The following RPH3A variants were observed in gnomAD, a reference collection of about 807,000 sequenced individuals.
RPH3A encodes rabphilin 3A.
A neutral mutation model predicts 102.2 loss-of-function variants in RPH3A; 48 were observed. The observed-to-expected ratio is 0.47, with a 90% CI of 0.37 to 0.60. RPH3A has a LOEUF of 0.60. Ranked by LOEUF, RPH3A falls within the 20% of genes least tolerant of loss-of-function variation. The probability of loss-of-function intolerance (pLI) is 0.00; values close to 1 mark genes in which losing one functional copy is unlikely to be tolerated. For synonymous variants in RPH3A, 310 were observed against 324.3 expected, an observed-to-expected ratio of 0.96 and a Z score of 0.47; for missense variants, 781 against 910.1, an observed-to-expected ratio of 0.86 and a Z score of 1.83.
chr12:112,643,215 T>A (rs1437764146), intron 1 of RPH3A, among the ~76,000 whole-genome samples: 1 of 152,192 alleles, frequency 6.6e-6, no homozygotes, highest in African/African-American at 2.4e-5. Context: ...CCTATGAGGA[T>A]GAAGAGGTCT....
chr12:112,605,722 G>T (rs915612020), intron 1 of RPH3A, among the ~76,000 whole-genome samples: 1 of 152,202 alleles, frequency 6.6e-6, no homozygotes, highest in Non-Finnish European at 1.5e-5. Flanking sequence ...TAAGCCTTTT[G>T]TGACCTAAGT....
At chr12:112,722,955 A>G (rs1430437827) in intron 1 of RPH3A, among the ~76,000 whole-genome samples, 2 of 152,202 alleles carry the variant, frequency 1.3e-5, no homozygotes, top group African/African-American at 4.8e-5. Context: ...TTGAACCTTA[A>G]CTGATATCAG....
At chr12:112,785,855 G>A (rs60728492) in intron 1 of RPH3A, among the ~76,000 whole-genome samples, 9,482 of 152,182 alleles carry the variant, frequency 0.062, 513 homozygotes, top group African/African-American at 0.15. Context: ...CTTACTTATG[G>A]TCACTTTGGG....
At chr12:112,870,997 C>A (rs535034646) in intron 10 of RPH3A, among the ~76,000 whole-genome samples, 2 of 152,166 alleles carry the variant, frequency 1.3e-5, no homozygotes, top group African/African-American at 4.8e-5. Flanking sequence ...TTCTGTTATT[C>A]GCATTTTACA....
chr12:112,834,049 A>C (rs1165400533), intron 3 of RPH3A, among the ~76,000 whole-genome samples: 1 of 152,212 alleles, frequency 6.6e-6, no homozygotes, highest in African/African-American at 2.4e-5. Flanking sequence ...ATACCCATGA[A>C]ATCATCACAG....
At chr12:112,797,458 G>A (rs952376804) in intron 2 of RPH3A, among the ~76,000 whole-genome samples, 6 of 152,118 alleles carry the variant, frequency 3.9e-5, no homozygotes, top group African/African-American at 9.7e-5. Context: ...CTTGATGCCC[G>A]GAGTCATCTG....
At chr12:112,778,026 AT>A (rs2040980489) in intron 1 of RPH3A, among the ~76,000 whole-genome samples, 1 of 152,230 alleles carries the variant, frequency 6.6e-6, no homozygotes, top group Non-Finnish European at 1.5e-5. Context: ...AAGAATTCAC[AT>A]TTGGGGAGAA....
intron 1 of RPH3A, among the ~76,000 whole-genome samples, chr12:112,734,869 C>T (rs937929833): frequency 1.3e-4 from 20 of 152,316 alleles, no homozygotes; most frequent in African/African-American, 4.3e-4. Flanking sequence ...AAGTCCCTTT[C>T]GTCACCATCT....
At chr12:112,710,010 T>C (rs2040449294) in intron 1 of RPH3A, among the ~76,000 whole-genome samples, 1 of 152,132 alleles carries the variant, frequency 6.6e-6, no homozygotes, top group African/African-American at 2.4e-5. Context: ...AGTCTTACTC[T>C]GTCGCCCAGG....
At chr12:112,710,330 C>T (rs1400280427) in intron 1 of RPH3A, among the ~76,000 whole-genome samples, 1 of 152,124 alleles carries the variant, frequency 6.6e-6, no homozygotes, top group Non-Finnish European at 1.5e-5. Context: ...TCCCAGAACC[C>T]CGTTCTTCCT....
intron 10 of RPH3A, among the ~76,000 whole-genome samples, chr12:112,872,952 T>G (rs1443507000): frequency 6.6e-6 from 1 of 152,238 alleles, no homozygotes; most frequent in Non-Finnish European, 1.5e-5. Flanking sequence ...GACTTATCAC[T>G]GTCTAAAGCA....
intron 1 of RPH3A, among the ~76,000 whole-genome samples, chr12:112,710,348 C>T (rs948028522): frequency 7.2e-5 from 11 of 152,176 alleles, no homozygotes; most frequent in African/African-American, 1.7e-4. Flanking sequence ...CCTGGGCAAA[C>T]TGGGACTGTT....
upstream of RPH3A, among the ~76,000 whole-genome samples, chr12:112,789,793 T>C (rs1327618307): frequency 6.8e-6 from 1 of 147,020 alleles, no homozygotes; most frequent in Non-Finnish European, 1.5e-5. Context: ...TGACAATTAC[T>C]ACCACCACCA....
intron 1 of RPH3A, among the ~76,000 whole-genome samples, chr12:112,590,489 C>T (rs1177818188): frequency 6.6e-6 from 1 of 152,180 alleles, no homozygotes; most frequent in Admixed American, 6.5e-5. Flanking sequence ...TAGCACAGCC[C>T]CTCCTCATTC....
At chr12:112,712,925 C>CTCTTCTTCTTCTTCT (rs529826755) in intron 1 of RPH3A, among the ~76,000 whole-genome samples, 2,069 of 94,204 alleles carry the variant, frequency 0.022, 60 homozygotes, top group African/African-American at 0.027. Flanking sequence ...CTTCTTCTTC[C>CTCTTCTTCTTCTTCT]TCTTCTTCTT....
At chr12:112,781,192 AAACAAC>A (rs34648570) in intron 1 of RPH3A, among the ~76,000 whole-genome samples, 9 of 150,896 alleles carry the variant, frequency 6.0e-5, no homozygotes, top group East Asian at 2.0e-4. Flanking sequence ...AAAAAAACCA[AAACAAC>A]AACAACAACA....
intron 1 of RPH3A, among the ~76,000 whole-genome samples, chr12:112,722,548 T>C (rs905408241): frequency 6.6e-6 from 1 of 152,238 alleles, no homozygotes; most frequent in African/African-American, 2.4e-5. Flanking sequence ...AGCTGAAAAT[T>C]GTATTTTCCA....
chr12:112,621,592 T>G (rs9795922), intron 1 of RPH3A, among the ~76,000 whole-genome samples: 88 of 138,618 alleles, frequency 6.3e-4, no homozygotes, highest in South Asian at 2.6e-3. Context: ...TAGCACAGCA[T>G]TCTGAGATCA....
intron 16 of RPH3A, among the ~76,000 whole-genome samples, chr12:112,884,815 A>G (rs1176376101): frequency 6.6e-6 from 1 of 152,244 alleles, no homozygotes; most frequent in Admixed American, 6.5e-5. Flanking sequence ...TAGTGAACAT[A>G]CTGGGCTTAA....
Sources: gnomAD v4.1 joint callset for allele counts (sites outside exome capture counted in the v4.1 genomes callset) on GRCh38, gnomAD v4.1.1 for gene constraint, MANE v1.5 for transcripts, NCBI Gene and HGNC (gene_info 2026-07-23, HGNC 2026-07-21) for gene names.